Variants in CNTNAP5 observed in about 807,000 individuals in gnomAD.
CNTNAP5 encodes contactin-associated protein-like 5.
In CNTNAP5, 72 loss-of-function variants were observed where a neutral mutation model predicts 150.2. The ratio of observed to expected loss-of-function variants is 0.48; its 90% CI spans 0.40 to 0.58. The LOEUF (loss-of-function observed/expected upper bound fraction) is 0.58. CNTNAP5 is among the 20% of genes least tolerant of loss of function. The pLI is 0.00. For missense variants in CNTNAP5, 1,636 were observed against 1,626.2 expected (o/e 1.01, Z -0.10); for synonymous variants, 672 against 619.8 (o/e 1.08, Z -1.25).
At chr2:124,282,584 T>C (rs146158073) in intron 3 of CNTNAP5, among the ~76,000 whole-genome samples, 9 of 152,226 alleles carry the variant, frequency 5.9e-5, no homozygotes, top group African/African-American at 1.9e-4. Flanking sequence ...TTAAAATGTG[T>C]TTTCTAATAG....
chr2:124,496,161 A>G (rs1694138840), intron 7 of CNTNAP5, among the ~76,000 whole-genome samples: 1 of 152,132 alleles, frequency 6.6e-6, no homozygotes. Flanking sequence ...AAGTCAATAA[A>G]AAAATGAAGG....
chr2:124,820,991 T>A (rs1431378027), intron 19 of CNTNAP5, among the ~76,000 whole-genome samples: 1 of 152,202 alleles, frequency 6.6e-6, no homozygotes, highest in Non-Finnish European at 1.5e-5. Flanking sequence ...GTTCTCACAG[T>A]TTGTGCTCAC....
chr2:124,146,884 T>C (rs1684266877), intron 1 of CNTNAP5, among the ~76,000 whole-genome samples: 1 of 152,158 alleles, frequency 6.6e-6, no homozygotes, highest in African/African-American at 2.4e-5. Context: ...CAGCTTCTCT[T>C]ATGGCCAGAC....
At chr2:124,556,838 G>T (rs888562712) in intron 10 of CNTNAP5, among the ~76,000 whole-genome samples, 1 of 152,024 alleles carries the variant, frequency 6.6e-6, no homozygotes, top group Non-Finnish European at 1.5e-5. Flanking sequence ...CAGGTGGTGG[G>T]GGCAGGGTGA....
chr2:124,469,817 C>T (rs2104828944), intron 6 of CNTNAP5, among the ~76,000 whole-genome samples: 2 of 152,264 alleles, frequency 1.3e-5, no homozygotes, highest in Middle Eastern at 6.8e-3. Flanking sequence ...TAAGTGAGAA[C>T]ATACAGTGTT....
intron 19 of CNTNAP5, among the ~76,000 whole-genome samples, chr2:124,832,548 T>C (rs1035375460): frequency 2.6e-5 from 4 of 152,150 alleles, no homozygotes; most frequent in African/African-American, 9.6e-5. Context: ...GGTAATCTAA[T>C]GGAGGCTGTG....
intron 10 of CNTNAP5, among the ~76,000 whole-genome samples, chr2:124,536,547 T>TA (rs1354545939): frequency 6.6e-6 from 1 of 152,034 alleles, no homozygotes; most frequent in Non-Finnish European, 1.5e-5. Context: ...AACCAATTCT[T>TA]AGAGAGGTTC....
chr2:124,063,062 T>C (rs1203216080), intron 1 of CNTNAP5, among the ~76,000 whole-genome samples: 1 of 152,116 alleles, frequency 6.6e-6, no homozygotes, highest in Non-Finnish European at 1.5e-5. Flanking sequence ...CTGTCCTTAC[T>C]GATTCTCTCA....
chr2:124,708,826 A>C (rs1679747820), intron 13 of CNTNAP5, among the ~76,000 whole-genome samples: 1 of 152,206 alleles, frequency 6.6e-6, no homozygotes, highest in Non-Finnish European at 1.5e-5. Context: ...GCAGTTGATA[A>C]CTGTGGTGAA....
At position 124,527,098 on chromosome 2, in the gene CNTNAP5, A is replaced by G. The variant is rs112676141; in HGVS notation, c.1478-187A>G. Among the ~76,000 whole-genome samples, 303 of 152,318 alleles carry G rather than the reference A, an allele frequency of 2.0e-3. 1 individual carries two copies. The highest frequency in any genetic ancestry group is 0.014 in the Middle Eastern group (4 of 294). On this transcript the variant is annotated intron_variant, in intron 9 of 23. Transcript: ENST00000682447. ...TTTATTTTCTCTACAGTGATGGAGTATACCCTATTTTGTACCAATTCTGTC... is the reference window on the plus strand; with the variant it reads ...TTTATTTTCTCTACAGTGATGGAGTGTACCCTATTTTGTACCAATTCTGTC...
chr2:124,029,317 T>G (rs1024924349), intron 1 of CNTNAP5, among the ~76,000 whole-genome samples: 2 of 152,000 alleles, frequency 1.3e-5, no homozygotes, highest in African/African-American at 4.8e-5. Context: ...ATCACGCTGG[T>G]TTTTTCAGCA....
chr2:124,226,687 T>C (rs1050923548), intron 2 of CNTNAP5, among the ~76,000 whole-genome samples: 3 of 152,136 alleles, frequency 2.0e-5, no homozygotes, highest in African/African-American at 7.2e-5. Context: ...TATACAAGAA[T>C]AGCTAAAACT....
chr2:124,027,278 A>G (rs1228674321), intron 1 of CNTNAP5, among the ~76,000 whole-genome samples: 1 of 152,190 alleles, frequency 6.6e-6, no homozygotes, highest in Non-Finnish European at 1.5e-5. Flanking sequence ...GAGGTAAGGC[A>G]CAGCGCTGGG....
intron 19 of CNTNAP5, among the ~76,000 whole-genome samples, chr2:124,818,008 C>T (rs1682401759): frequency 6.6e-6 from 1 of 152,140 alleles, no homozygotes; most frequent in Non-Finnish European, 1.5e-5. Flanking sequence ...CGGACAGTTC[C>T]ACCACTGCCC....
At chr2:124,096,171 A>T (rs550522626) in intron 1 of CNTNAP5, among the ~76,000 whole-genome samples, 2 of 152,176 alleles carry the variant, frequency 1.3e-5, no homozygotes, top group Non-Finnish European at 2.9e-5. Context: ...CAAACATTCC[A>T]GTATCCTTGC....
chr2:124,627,942 C>T (rs192820124), intron 12 of CNTNAP5, among the ~76,000 whole-genome samples: 13 of 152,200 alleles, frequency 8.5e-5, no homozygotes, highest in Admixed American at 7.9e-4. Context: ...AATAGCCGAA[C>T]TGACCAAGTG....
intron 21 of CNTNAP5, among the ~76,000 whole-genome samples, chr2:124,872,427 C>T (rs141676907): frequency 0.012 from 1,668 of 137,122 alleles, 40 homozygotes; most frequent in African/African-American, 0.041. Flanking sequence ...CGTGCATGTG[C>T]GTTTGTTCAT....
chr2:124,127,847 G>T (rs1388387341), intron 1 of CNTNAP5, among the ~76,000 whole-genome samples: 2 of 152,128 alleles, frequency 1.3e-5, no homozygotes, highest in Non-Finnish European at 2.9e-5. Flanking sequence ...TGGGAAAACT[G>T]GCTAGCCATA....
chr2:124,910,579 TAGAA>T (rs1318899939), intron 22 of CNTNAP5, among the ~76,000 whole-genome samples: 2 of 151,956 alleles, frequency 1.3e-5, no homozygotes, highest in African/African-American at 4.8e-5. Flanking sequence ...AGAGGAGTAA[TAGAA>T]AGACTCTGAG....
Sources: gnomAD v4.1 joint callset for allele counts (sites outside exome capture counted in the v4.1 genomes callset) on GRCh38, gnomAD v4.1.1 for gene constraint, MANE v1.5 for transcripts, NCBI Gene and HGNC (gene_info 2026-07-23, HGNC 2026-07-21) for gene names.